Variants in INSL6 observed in about 807,000 individuals in gnomAD.
INSL6 encodes insulin like 6, also known as insulin-like peptide INSL6.
INSL6 carries 16 observed loss-of-function variants against 9.4 expected under a neutral mutation model. The observed-to-expected ratio is 1.70, with a 90% CI of 1.15 to 2.59. The LOEUF is 2.59. Ranked by LOEUF, INSL6 falls within the 30% of genes most tolerant of loss-of-function variation. The pLI is 0.00. For missense variants in INSL6, 391 were observed against 257.3 expected, an observed-to-expected ratio of 1.52 and a Z score of -3.56; for synonymous variants, 154 against 96.9, an observed-to-expected ratio of 1.59 and a Z score of -3.46.
chr9:5,002,293 C>T, the INSL6 span, among the ~76,000 whole-genome samples: 1 of 151,888 alleles, frequency 6.6e-6, no homozygotes, highest in Admixed American at 6.6e-5. Flanking sequence ...TATACATTCT[C>T]TCTAACCACT....
At chr9:5,043,347 AAAG>A in the INSL6 span, among the ~76,000 whole-genome samples, 3 of 152,230 alleles carry the variant, frequency 2.0e-5, no homozygotes, top group African/African-American at 7.2e-5. Flanking sequence ...CCTCCGAAAA[AAAG>A]ATGCCCAACA....
At chr9:5,040,683 T>C in the INSL6 span, among the ~76,000 whole-genome samples, 1 of 152,230 alleles carries the variant, frequency 6.6e-6, no homozygotes. Flanking sequence ...AAATAAGATA[T>C]ACAAATGGCC....
chr9:5,053,343 T>C, the INSL6 span, among the ~76,000 whole-genome samples: 5 of 152,082 alleles, frequency 3.3e-5, no homozygotes, highest in African/African-American at 1.2e-4. Context: ...AATTATTGAG[T>C]TTAGAAAATT....
At chr9:5,111,007 G>C in the INSL6 span, 1 of 728,050 alleles carries the variant, frequency 1.4e-6, no homozygotes, top group Admixed American at 2.1e-5. Flanking sequence ...CGTTGCCAAC[G>C]GGAAGGGCCG....
intron 3 of INSL6, chr9:5,125,901 A>G (rs1176535327): frequency 6.6e-6 from 1 of 151,844 alleles, no homozygotes; most frequent in Non-Finnish European, 1.5e-5. Flanking sequence ...TTCCTAGCTT[A>G]TAATTCAGAT....
At chr9:5,053,972 C>G in the INSL6 span, among the ~76,000 whole-genome samples, 1 of 151,910 alleles carries the variant, frequency 6.6e-6, no homozygotes, top group African/African-American at 2.4e-5. Flanking sequence ...AATAAATTAC[C>G]TTCTTTAGAA....
chr9:5,059,618 T>C, the INSL6 span, among the ~76,000 whole-genome samples: 26 of 152,328 alleles, frequency 1.7e-4, no homozygotes, highest in Middle Eastern at 3.4e-3. Flanking sequence ...AGCTTTAGTA[T>C]ACTGCCAAAC....
the INSL6 span, among the ~76,000 whole-genome samples, chr9:5,020,377 G>C: frequency 5.8e-3 from 876 of 152,314 alleles, 9 homozygotes; most frequent in African/African-American, 0.02. Context: ...GGGGTGCTGA[G>C]CTGGGCAGGG....
chr9:5,084,364 C>A, the INSL6 span, among the ~76,000 whole-genome samples: 1 of 152,116 alleles, frequency 6.6e-6, no homozygotes, highest in Non-Finnish European at 1.5e-5. Flanking sequence ...CTGAAACAAT[C>A]AAAATGCCAT....
At chr9:5,025,538 C>CTTT in the INSL6 span, among the ~76,000 whole-genome samples, 5,743 of 140,322 alleles carry the variant, frequency 0.041, 213 homozygotes, top group Non-Finnish European at 0.057. Flanking sequence ...AGTTTGTTTC[C>CTTT]TTTTTTTTTT....
the INSL6 span, chr9:5,072,514 C>G: frequency 8.8e-6 from 14 of 1,594,224 alleles, no homozygotes; most frequent in African/African-American, 1.3e-5. Context: ...GGCCAAGGCA[C>G]TTTTACAAAG....
chr9:5,158,239 G>A (rs532578652), intron 2 of INSL6, among the ~76,000 whole-genome samples: 19 of 152,250 alleles, frequency 1.2e-4, no homozygotes, highest in South Asian at 2.1e-4. Flanking sequence ...AAAGTTCTTC[G>A]CCTTGAAAGG....
At chr9:5,045,021 A>G in the INSL6 span, among the ~76,000 whole-genome samples, 1 of 152,210 alleles carries the variant, frequency 6.6e-6, no homozygotes, top group South Asian at 2.1e-4. Context: ...GCTATATTCA[A>G]GTTATTTGTT....
intron 1 of INSL6, among the ~76,000 whole-genome samples, chr9:5,184,401 T>A (rs1277494512): frequency 2.6e-5 from 4 of 152,208 alleles, no homozygotes; most frequent in Non-Finnish European, 4.4e-5. Context: ...GACTAAAATG[T>A]CTTAGTCACA....
chr9:5,135,365 A>G (rs1176337712), intron 2 of INSL6, among the ~76,000 whole-genome samples: 1 of 151,574 alleles, frequency 6.6e-6, no homozygotes, highest in African/African-American at 2.4e-5. Flanking sequence ...TCTGCACCAC[A>G]TAATTGGAAG....
At chr9:5,085,058 G>C in the INSL6 span, 4 of 715,734 alleles carry the variant, frequency 5.6e-6, no homozygotes, top group Non-Finnish European at 1.0e-5. Flanking sequence ...CTGGGGATGA[G>C]AAGTTTACTG....
chr9:5,092,191 C>T, the INSL6 span, among the ~76,000 whole-genome samples: 3 of 152,140 alleles, frequency 2.0e-5, no homozygotes, highest in South Asian at 2.1e-4. Context: ...GAAAATCTCA[C>T]GACAACCTTT....
chr9:5,098,569 C>T, the INSL6 span: 1 of 152,146 alleles, frequency 6.6e-6, no homozygotes, highest in Non-Finnish European at 1.5e-5. Context: ...ATTTTAAGGC[C>T]TCTCATCCCT....
chr9:5,112,042 C>A, the INSL6 span: 1 of 409,262 alleles, frequency 2.4e-6, no homozygotes, highest in Non-Finnish European at 4.9e-6. Flanking sequence ...GCCTTATCAC[C>A]CAGCTACGAC....
Sources: allele counts gnomAD v4.1 joint callset (sites outside exome capture counted in the v4.1 genomes callset), GRCh38; gene constraint gnomAD v4.1.1; transcripts MANE v1.5; gene names NCBI Gene and HGNC (gene_info 2026-07-23, HGNC 2026-07-21).